EVPL: variants seen among roughly 807,000 people sequenced by gnomAD.
EVPL encodes envoplakin.
A neutral mutation model predicts 129.7 loss-of-function variants in EVPL; 94 were observed. The ratio of observed to expected loss-of-function variants is 0.72; its 90% CI spans 0.61 to 0.86. The LOEUF is 0.86. EVPL is among the 40% of genes least tolerant of loss of function. The pLI is 0.00. For missense variants in EVPL, 2,625 were observed against 2,721.1 expected (o/e 0.96, Z 0.79); for synonymous variants, 1,172 against 1,191.1 (o/e 0.98, Z 0.33).
rs367555955 is a variant in EVPL, at chr17:76,009,542, C to G, written c.3663G>C (p.Ala1221=). The G allele has an allele frequency of 1.9e-6, 3 of 1,614,020 alleles. No homozygotes were observed. The highest frequency in any genetic ancestry group is 2.5e-6 in the Non-Finnish European group (3 of 1,180,050). The change falls in exon 22 of 22, where the codon GCG becomes GCC. Residue 1221 remains alanine, a synonymous_variant. Coordinates refer to ENST00000301607, the MANE Select transcript of EVPL (RefSeq NM_001988.4). The surrounding 1 kb of genome is among the most constrained non-coding windows in gnomAD (Gnocchi z 5.9). ...TRLKAKLQEM[A]GKRSGVEKEV... is the part of the protein sequence containing the mutation. Reference sequence around the variant, plus strand: ...CCTTCTCCACACCGCTCCTCTTGCCCGCCATCTCCTGCAGCTTGGCCTTGA... The same window carrying G: ...CCTTCTCCACACCGCTCCTCTTGCCGGCCATCTCCTGCAGCTTGGCCTTGA...
chr17:76,009,574 T>C lies in EVPL; in HGVS notation c.3631A>G (p.Thr1211Ala), dbSNP rs759928902. The C allele has an allele frequency of 1.2e-5, 20 of 1,613,952 alleles. No individual in the cohort carries two copies. The highest frequency in any genetic ancestry group is 1.6e-5 in the Non-Finnish European group (19 of 1,180,034). ...TCCTGCAGCTTGGCCTTGAGCCGAG[T>C]GATCTCCTGCTCTGTCTCCGGATCC... is the stretch of plus-strand genomic sequence containing the variant. ...QVDPETEQEI[T>A]RLKAKLQEMA... The change falls in exon 22 of 22, where the codon ACT becomes GCT. Residue 1211 changes from threonine to alanine, a missense_variant. By Grantham distance (58) the Thr-to-Ala change is moderately conservative. Transcript: ENST00000301607. The surrounding 1 kb of genome is among the most constrained non-coding windows in gnomAD (Gnocchi z 5.9).
chr17:76,019,193 G>A (rs1231887537), intron 10 of EVPL, 133 bp from the exon 11 acceptor site: 7 of 1,002,082 alleles, frequency 7.0e-6, no homozygotes, highest in Non-Finnish European at 9.5e-6. Flanking sequence ...AAAGTAAAAG[G>A]AGCCCCTCTC....
chr17:76,017,088 C>G (rs1437959048), intron 14 of EVPL, among the ~76,000 whole-genome samples: 2 of 151,580 alleles, frequency 1.3e-5, no homozygotes, highest in Non-Finnish European at 2.9e-5. Context: ...TGGTGTGTGC[C>G]TGTAATCCCA....
intron 14 of EVPL, among the ~76,000 whole-genome samples, chr17:76,016,632 G>A (rs1156326282): frequency 2.6e-5 from 4 of 151,748 alleles, no homozygotes; most frequent in African/African-American, 9.7e-5. Context: ...ATAATAATAT[G>A]GCCAAGTGCA....
At position 76,009,995 on chromosome 17, in the gene EVPL, C is replaced by T. The variant is rs144066881; in HGVS notation, c.3210G>A (p.Val1070=). The change falls in exon 22 of 22, where the codon GTG becomes GTA. Residue 1070 remains valine, a synonymous_variant. Coordinates refer to ENST00000301607, the MANE Select transcript of EVPL (RefSeq NM_001988.4). The surrounding 1 kb of genome is among the most constrained non-coding windows in gnomAD (Gnocchi z 5.9). ...LLALEKREVD[V]KEKVVVKEVV... ...CCTCTTTCACCACGACCTTCTCCTT[C>T]ACGTCCACCTCCCTCTTCTCAAGGG... is the stretch of plus-strand genomic sequence containing the variant. The T allele has an allele frequency of 4.5e-5, 72 of 1,613,592 alleles. No individual in the cohort carries two copies. Among genetic ancestry groups the T allele is most frequent in the Non-Finnish European group, 5.9e-5 (70 of 1,180,046 alleles).
chr17:76,025,117 C>T (rs973695235), intron 1 of EVPL, among the ~76,000 whole-genome samples: 10 of 152,198 alleles, frequency 6.6e-5, no homozygotes, highest in African/African-American at 2.4e-4. Flanking sequence ...TGACCTTGGT[C>T]AAGTTACTCA....
intron 18 of EVPL, chr17:76,012,383 C>T (rs1239109761): frequency 9.5e-6 from 3 of 316,712 alleles, no homozygotes; most frequent in Non-Finnish European, 1.2e-5. Flanking sequence ...TCACAGCAGC[C>T]TCCTGGGTTC....
At position 76,027,248 on chromosome 17, in the gene EVPL, G is replaced by C. The variant is rs367789045; in HGVS notation, c.-50C>G. On this transcript the variant is annotated 5_prime_UTR_variant, in exon 1 of 22. Coordinates refer to ENST00000301607, the MANE Select transcript of EVPL (RefSeq NM_001988.4). ...AGGCTGGGCTTGGCTGGCGAAAGAC[G>C]GCAGGAGGGCAGGTGGGAGGCAGCG... is the stretch of plus-strand genomic sequence containing the variant. 2 of 1,342,092 alleles carry C rather than the reference G, an allele frequency of 1.5e-6. No individual in the cohort carries two copies. Among genetic ancestry groups the C allele is most frequent in the South Asian group, 1.2e-5 (1 of 84,496 alleles). The allele number at this position is 1,342,092 out of a possible 1,614,324, so 83.1% of individuals were successfully genotyped here.
rs745373614 is a variant in EVPL, at chr17:76,008,107, A to G, written c.5098T>C (p.Tyr1700His). 5 of 1,613,906 alleles carry G rather than the reference A, an allele frequency of 3.1e-6. No individual in the cohort carries two copies. The South Asian group carries it at 4.4e-5, about 14-fold the overall frequency. ...ATGATGCCCCTCTTGTAGGCCTCGT[A>G]TGGGGACATGTCCTTCCCCGTCTCG... ...EPETGKDMSP[Y>H]EAYKRGIIDR... The change falls in exon 22 of 22, where the codon TAC becomes CAC. Residue 1700 changes from tyrosine to histidine, a missense_variant. Coordinates refer to ENST00000301607, the MANE Select transcript of EVPL (RefSeq NM_001988.4). This position sits in a 1 kb window ranked among gnomAD's most constrained non-coding sequence, Gnocchi z 7.4.
chr17:76,022,068 C>G lies in EVPL; in HGVS notation c.646-40G>C, dbSNP rs756774491. ...CGCCGCCAGCAGCAGGGTGGGGAGACAGAAAGTGGGGGGCAAAAGGCGCCA... is the reference window on the plus strand; with the variant it reads ...CGCCGCCAGCAGCAGGGTGGGGAGAGAGAAAGTGGGGGGCAAAAGGCGCCA... On this transcript the variant is annotated intron_variant, in intron 6 of 21. Coordinates refer to ENST00000301607, the MANE Select transcript of EVPL (RefSeq NM_001988.4). This position sits in a 1 kb window ranked among gnomAD's most constrained non-coding sequence, Gnocchi z 5.6. 10 of 1,560,268 alleles carry G rather than the reference C, an allele frequency of 6.4e-6. No homozygotes were observed. The highest frequency in any genetic ancestry group is 4.6e-5 in the East Asian group (2 of 43,666).
rs548817800 is a variant in EVPL at position 76,010,106 on chromosome 17, G to A, written c.3099C>T (p.Ala1033=). 5 of 1,613,856 alleles carry A rather than the reference G, an allele frequency of 3.1e-6. No homozygotes were observed. Among genetic ancestry groups the A allele is most frequent in the Non-Finnish European group, 4.2e-6 (5 of 1,180,034 alleles). The change falls in exon 22 of 22, where the codon GCC becomes GCT. Residue 1033 remains alanine, a synonymous_variant. Transcript: ENST00000301607. ...GCTGCTGGATCTGGATCCTGAGCTG[G>A]GCCGCCTGGCTGTCCAGGCCGGGGT... ...ERDPGLDSQA[A]QLRIQIQQLR... is the part of the protein sequence containing the mutation.
intron 1 of EVPL, among the ~76,000 whole-genome samples, chr17:76,026,449 A>C (rs2066498820): frequency 1.3e-5 from 2 of 152,154 alleles, no homozygotes; most frequent in Non-Finnish European, 1.5e-5. Context: ...TCCTGGGCTC[A>C]AGGAATCCTC....
In EVPL at chr17:76,009,412, C is replaced by T. The variant is rs1040017253; in HGVS notation, c.3793G>A (p.Glu1265Lys). ...AGGCGGTCGATCTCACGCAGCACCTCGGGGCTCCTCTCATGCCTCACCACC... is the reference window on the plus strand; with the variant it reads ...AGGCGGTCGATCTCACGCAGCACCTTGGGGCTCCTCTCATGCCTCACCACC... The part of the protein sequence containing the change: ...QEVVRHERSP[E>K]VLREIDRLKA... The change falls in exon 22 of 22, where the codon GAG (glutamate) becomes AAG (lysine). Residue 1265 changes from glutamate to lysine, a missense_variant. Transcript: ENST00000301607. The surrounding 1 kb of genome is among the most constrained non-coding windows in gnomAD (Gnocchi z 5.9). 4.3e-6 allele frequency: 7 copies of T among 1,614,064 alleles called. No homozygotes were observed. The highest frequency in any genetic ancestry group is 2.7e-5 in the African/African-American group (2 of 75,028).
At position 76,024,644 on chromosome 17, in the gene EVPL, A is replaced by G. The variant is rs1485376939; in HGVS notation, c.99-524T>C. 6.6e-6 allele frequency among the ~76,000 whole-genome samples: 1 copy of G among 152,048 alleles called. No individual in the cohort carries two copies. The highest frequency in any genetic ancestry group is 1.9e-4 in the East Asian group (1 of 5,180). On this transcript the variant is annotated intron_variant, in intron 1 of 21. Coordinates refer to ENST00000301607, the MANE Select transcript of EVPL (RefSeq NM_001988.4). The surrounding 1 kb of genome is among the most constrained non-coding windows in gnomAD (Gnocchi z 4.5). ...TGCCAGCATGCTGGCTTCAGTAGCCATCTAGAGGAGCCTCACACTGTCGGA... is the reference window on the plus strand; with the variant it reads ...TGCCAGCATGCTGGCTTCAGTAGCCGTCTAGAGGAGCCTCACACTGTCGGA...
rs545352562 is a variant in EVPL at position 76,013,069 on chromosome 17, C to A, written c.2374-980G>T. Among the ~76,000 whole-genome samples the A allele has an allele frequency of 1.1e-3, 170 of 152,182 alleles. 2 individuals are homozygous for A. The highest frequency in any genetic ancestry group is 2.9e-4 in the Non-Finnish European group (20 of 67,980). On this transcript the variant is annotated intron_variant, in intron 18 of 21. Coordinates refer to ENST00000301607, the MANE Select transcript of EVPL (RefSeq NM_001988.4). This position sits in a 1 kb window ranked among gnomAD's most constrained non-coding sequence, Gnocchi z 4.3. ...TGAGAATTCATATTTCTGATAAGTCCCCAGGTGATGCTGCTACAGCTCATC... is the reference window on the plus strand; with the variant it reads ...TGAGAATTCATATTTCTGATAAGTCACCAGGTGATGCTGCTACAGCTCATC...
chr17:76,017,771 C>T lies in EVPL; in HGVS notation c.1678G>A (p.Glu560Lys). 6.2e-7 allele frequency: 1 copy of T among 1,613,066 alleles called. No homozygotes were observed. The highest frequency in any genetic ancestry group is 8.5e-7 in the Non-Finnish European group (1 of 1,179,992). The change falls in exon 14 of 22, where the codon GAG (glutamate) becomes AAG (lysine). Residue 560 changes from glutamate (E) to lysine (K), a missense_variant. Physicochemically the swap from Glu to Lys is moderately conservative, Grantham distance 56. Coordinates refer to ENST00000301607, the MANE Select transcript of EVPL (RefSeq NM_001988.4). ...CTGTGGATGCGGCCCTCCAAGTCCT[C>T]CAAGGGTGTGGGGCGGCTCAGCGGG... The part of the protein sequence containing the change: ...RAPLSRPTPL[E>K]DLEGRIHSHE...
chr17:76,009,334 G>A lies in EVPL; in HGVS notation c.3871C>T (p.Leu1291Phe). 6.2e-7 allele frequency: 1 copy of A among 1,612,216 alleles called. No individual in the cohort carries two copies. The highest frequency in any genetic ancestry group is 1.3e-5 in the African/African-American group (1 of 75,048). Residue 1291 changes from leucine (L) to phenylalanine (F), a missense_variant, in exon 22 of 22, where the codon CTC becomes TTC. Physicochemically the swap from Leu to Phe is conservative, Grantham distance 22. Around this residue, in one of 4 missense-constraint regions of EVPL, gnomAD observed 1,453 missense variants for 1,511.8 expected, o/e 0.96. Transcript: ENST00000301607. The surrounding 1 kb of genome is among the most constrained non-coding windows in gnomAD (Gnocchi z 5.9). ...VNSHGRSQEQ[L>F]IRLQGERDEW... is the part of the protein sequence containing the mutation. Reference sequence around the variant, plus strand: ...TCGCGCTCACCCTGCAGGCGGATGAGCTGCTCCTGGGAGCGCCCGTGGCTG... The same window carrying A: ...TCGCGCTCACCCTGCAGGCGGATGAACTGCTCCTGGGAGCGCCCGTGGCTG...
intron 21 of EVPL, 103 bp downstream of exon 21, chr17:76,011,473 G>A (rs2144408185): frequency 9.7e-7 from 1 of 1,030,966 alleles, no homozygotes; most frequent in Non-Finnish European, 1.5e-6. Flanking sequence ...GGGAGAGGAG[G>A]GAAGGAGACT....
In EVPL at chr17:76,024,195, C is replaced by T; in HGVS notation, c.99-75G>A. The T allele has an allele frequency of 2.9e-6, 4 of 1,387,516 alleles. No individual in the cohort carries two copies. Among genetic ancestry groups the T allele is most frequent in the South Asian group, 2.4e-5 (2 of 81,716 alleles). 86.0% of individuals were successfully genotyped at this position (1,387,516 alleles called of 1,614,324 possible). The stretch of plus-strand genomic sequence containing the variant: ...TGCCCCATCCAGGTGGCATCCCCTG[C>T]CCTCCCTCCACCCCATCCTGCCCCC... On this transcript the variant is annotated intron_variant, in intron 1 of 21. Transcript: ENST00000301607. This position sits in a 1 kb window ranked among gnomAD's most constrained non-coding sequence, Gnocchi z 4.5.
Sources: gnomAD v4.1 joint callset for allele counts (sites outside exome capture counted in the v4.1 genomes callset) on GRCh38, gnomAD v4.1.1 for gene constraint, gnomAD v4.1.1 regional missense constraint, Gnocchi (gnomAD v3.1) non-coding constraint, MANE v1.5 for transcripts, NCBI Gene and HGNC (gene_info 2026-07-23, HGNC 2026-07-21) for gene names.